Variants in TNNC2 observed in about 807,000 individuals in gnomAD.
The protein encoded by TNNC2 is troponin C2, fast skeletal type, also known as troponin C, skeletal muscle.
Under a neutral mutation model 20.0 loss-of-function variants are expected in TNNC2, and 14 were observed. That is an observed-to-expected ratio of 0.70 (90% CI 0.46 to 1.09). The LOEUF (loss-of-function observed/expected upper bound fraction) is 1.09. TNNC2 is among the 50% of genes least tolerant of loss of function. The pLI is 0.00. For missense variants in TNNC2, 163 were observed against 223.8 expected (o/e 0.73, Z 1.73); for synonymous variants, 81 against 77.3 (o/e 1.05, Z -0.25).
Position 45,823,490 on chromosome 20 carries a change from CAG to C in TNNC2, c.452-113_452-112del. On this transcript the variant is annotated intron_variant, in intron 5 of 5. Coordinates refer to ENST00000372555, the MANE Select transcript of TNNC2 (RefSeq NM_003279.3). The surrounding 1 kb of genome is among the most constrained non-coding windows in gnomAD (Gnocchi z 4.6). ...CTTTTTGTTTTTGTTTTTGTTGAGA[CAG>C]AGTCTCACTCTGTTGCCAAGGTCGC... 3.6e-6 allele frequency: 4 copies of C among 1,107,920 alleles called. No homozygotes were observed. Among genetic ancestry groups the C allele is most frequent in the Non-Finnish European group, 5.1e-6 (4 of 777,682 alleles). The allele number at this position is 1,107,920 out of a possible 1,614,324, so 68.6% of individuals were successfully genotyped here. A position where few individuals can be genotyped will look rare whatever the true frequency, so the allele number is the denominator to read the frequency against.
chr20:45,825,090 C>T (rs1180397147), intron 1 of TNNC2, among the ~76,000 whole-genome samples: 7 of 151,606 alleles, frequency 4.6e-5, no homozygotes, highest in Admixed American at 3.3e-4. Context: ...CTCAAGCAAT[C>T]GTCCCACTTC....
chr20:45,825,185 C>CA (rs1288863815), intron 1 of TNNC2, among the ~76,000 whole-genome samples: 2 of 152,174 alleles, frequency 1.3e-5, no homozygotes, highest in Non-Finnish European at 2.9e-5. Flanking sequence ...CTATATTACC[C>CA]AGGCTGGTTT....
At chr20:45,828,209 T>TTTG (rs1277562939), upstream of TNNC2, among the ~76,000 whole-genome samples, 1 of 151,070 alleles carries the variant, frequency 6.6e-6, no homozygotes, top group Non-Finnish European at 1.5e-5. Flanking sequence ...TTTTTTTTTT[T>TTTG]TGTATTTTTA....
chr20:45,824,293 T>C lies in TNNC2; in HGVS notation c.313A>G (p.Arg105Gly), dbSNP rs766419408. The change falls in exon 4 of 6, where the codon AGG (arginine) becomes GGG (glycine). Residue 105 changes from arginine to glycine, a missense_variant and splice_region_variant. By Grantham distance (125) the Arg-to-Gly change is moderately radical. Coordinates refer to ENST00000372555, the MANE Select transcript of TNNC2 (RefSeq NM_003279.3). Reference protein sequence around the residue: ...ELAECFRIFDRNADGYIDPEE... With the variant: ...ELAECFRIFDGNADGYIDPEE... ...TCGGCTCCCGGGCCCCCAGCGCACCTGTCGAAGATGCGGAAGCACTCGGCC... is the reference window on the plus strand; with the variant it reads ...TCGGCTCCCGGGCCCCCAGCGCACCCGTCGAAGATGCGGAAGCACTCGGCC... The C allele has an allele frequency of 2.5e-6, 4 of 1,610,132 alleles. No homozygotes were observed. Among genetic ancestry groups the C allele is most frequent in the Non-Finnish European group, 3.4e-6 (4 of 1,179,898 alleles).
chr20:45,823,892 A>G lies in TNNC2; in HGVS notation c.451+99T>C, dbSNP rs1982875950. 4 of 1,570,672 alleles carry G rather than the reference A, an allele frequency of 2.5e-6. No homozygotes were observed. The highest frequency in any genetic ancestry group is 2.3e-5 in the South Asian group (2 of 85,422). The stretch of plus-strand genomic sequence containing the variant: ...AACTTGGTGAAGTTACGCCCAGCCC[A>G]GCCCACAAGGCCAAGGACACTGCAC... On this transcript the variant is annotated intron_variant, in intron 5 of 5. Coordinates refer to ENST00000372555, the MANE Select transcript of TNNC2 (RefSeq NM_003279.3). The surrounding 1 kb of genome is among the most constrained non-coding windows in gnomAD (Gnocchi z 4.6).
intron 1 of TNNC2, among the ~76,000 whole-genome samples, chr20:45,825,746 G>A (rs757256200): frequency 5.3e-5 from 8 of 151,944 alleles, no homozygotes; most frequent in Non-Finnish European, 7.4e-5. Flanking sequence ...TCAGCCTCCC[G>A]AGTAGCTGGG....
In TNNC2 at chr20:45,824,345, G is replaced by C. The variant is rs758043604; in HGVS notation, c.261C>G (p.Asp87Glu). The change falls in exon 4 of 6, where the codon GAC (aspartate) becomes GAG (glutamate). Residue 87 changes from aspartate to glutamate, a missense_variant. By Grantham distance (45) the Asp-to-Glu change is conservative. Coordinates refer to ENST00000372555, the MANE Select transcript of TNNC2 (RefSeq NM_003279.3). ...LVMMVRQMKEDAKGKSEEELA... is the reference protein window; with the variant it reads ...LVMMVRQMKEEAKGKSEEELA... ...GCTCCTCCTCGCTCTTCCCTTTCGC[G>C]TCCTCTTTCATCTGGCGCACCATCA... 6.2e-7 allele frequency: 1 copy of C among 1,611,104 alleles called. No individual in the cohort carries two copies. Among genetic ancestry groups the C allele is most frequent in the South Asian group, 1.1e-5 (1 of 91,082 alleles).
In TNNC2 at chr20:45,824,568, C is replaced by T. The variant is rs145593698; in HGVS notation, c.126G>A (p.Thr42=). Residue 42 remains threonine, a synonymous_variant, in exon 3 of 6, where the codon ACG becomes ACA. Coordinates refer to ENST00000372555, the MANE Select transcript of TNNC2 (RefSeq NM_003279.3). ...GTGTCTGGCCCAGCATCCTCATCAC[C>T]GTGCCCAACTCCTTGACGCTGATGT... ...GGDISVKELG[T]VMRMLGQTPT... 4.3e-6 allele frequency: 7 copies of T among 1,613,100 alleles called. No individual in the cohort carries two copies. Among genetic ancestry groups the T allele is most frequent in the African/African-American group, 4.0e-5 (3 of 74,904 alleles).
At chr20:45,832,901 G>A (rs967708758) in intron 2 of TNNC2, among the ~76,000 whole-genome samples, 3 of 152,334 alleles carry the variant, frequency 2.0e-5, no homozygotes, top group African/African-American at 7.2e-5. Context: ...AACCTCTGAG[G>A]GAGGCAGAGG....
At chr20:45,829,429 A>G (rs1244968852), upstream of TNNC2, among the ~76,000 whole-genome samples, 1 of 151,486 alleles carries the variant, frequency 6.6e-6, no homozygotes, top group Admixed American at 6.6e-5. Flanking sequence ...CTCCCAAAGC[A>G]CTGGGATTAC....
At chr20:45,829,296 C>G (rs1192199808), upstream of TNNC2, among the ~76,000 whole-genome samples, 1 of 151,728 alleles carries the variant, frequency 6.6e-6, no homozygotes, top group African/African-American at 2.4e-5. Context: ...TCCCGAGTAG[C>G]CGGAATTACA....
chr20:45,826,005 A>ACCCCCCCCC (rs111300154), intron 1 of TNNC2, among the ~76,000 whole-genome samples: 45 of 144,076 alleles, frequency 3.1e-4, no homozygotes, highest in East Asian at 6.3e-4. Context: ...CAAGTCGGGA[A>ACCCCCCCCC]CCCCCCCCAC....
rs754962399 is a variant in TNNC2 at position 45,824,393 on chromosome 20, G to C, written c.213C>G (p.Ile71Met). 6.2e-6 allele frequency: 10 copies of C among 1,610,516 alleles called. No homozygotes were observed. The highest frequency in any genetic ancestry group is 7.6e-6 in the Non-Finnish European group (9 of 1,180,004). ...TCATGACCAAGAACTCCTCGAAGTCGATGGTGCCGCTGCCTGCGGGCAGCA... is the reference window on the plus strand; with the variant it reads ...TCATGACCAAGAACTCCTCGAAGTCCATGGTGCCGCTGCCTGCGGGCAGCA... ...EEVDEDGSGT[I>M]DFEEFLVMMV... The change falls in exon 4 of 6, where the codon ATC (isoleucine) becomes ATG (methionine). Residue 71 changes from isoleucine to methionine, a missense_variant. Ile to Met is a conservative substitution (Grantham distance 10). Coordinates refer to ENST00000372555, the MANE Select transcript of TNNC2 (RefSeq NM_003279.3).
At chr20:45,831,389 CA>C (rs1171957737), upstream of TNNC2, among the ~76,000 whole-genome samples, 6 of 152,122 alleles carry the variant, frequency 3.9e-5, no homozygotes, top group African/African-American at 1.4e-4. Context: ...CCAGCCTGGC[CA>C]ACATGGTGAA....
rs59673641 is a variant in TNNC2, at chr20:45,824,132, A to G, written c.315-5T>C. ...TCGATGTAGCCGTCTGCATTCCTTC[A>G]GGTCCGAGGGACAGGGCAGGGCTCA... On this transcript the variant is annotated splice_region_variant and splice_polypyrimidine_tract_variant and intron_variant, in intron 4 of 5. Transcript: ENST00000372555. 35,357 of 1,613,480 alleles carry G rather than the reference A, an allele frequency of 0.022. 1,805 individuals are homozygous for G. The highest frequency in any genetic ancestry group is 0.17 in the African/African-American group (12,909 of 74,928).
At chr20:45,824,867 G>C (rs773626244) in intron 1 of TNNC2, 33 bp from the exon 2 acceptor site, 2 of 1,613,934 alleles carry the variant, frequency 1.2e-6, no homozygotes, top group African/African-American at 1.3e-5. Flanking sequence ...CTGAGCTGAA[G>C]AGGCAGCCCC....
intron 4 of TNNC2, 43 bp from the exon 5 acceptor site, chr20:45,824,170 G>A (rs1438997640): frequency 3.1e-6 from 5 of 1,602,780 alleles, no homozygotes; most frequent in Non-Finnish European, 3.4e-6. Flanking sequence ...GCCGGGGCGA[G>A]CTGCCCTGGC....
In TNNC2 at chr20:45,823,783, C is replaced by T. The variant is rs1982872835; in HGVS notation, c.451+208G>A. Among the ~76,000 whole-genome samples the T allele has an allele frequency of 6.6e-6, 1 of 152,142 alleles. No homozygotes were observed. The highest frequency in any genetic ancestry group is 2.4e-5 in the African/African-American group (1 of 41,412). ...TCTAGGATTTTACAGTCCTGAGCCA[C>T]CACGCCCCCCTGCCTGGTCATTAAT... On this transcript the variant is annotated intron_variant, in intron 5 of 5. Transcript: ENST00000372555. This position sits in a 1 kb window ranked among gnomAD's most constrained non-coding sequence, Gnocchi z 4.6.
rs367746063 is a variant in TNNC2 at position 45,824,776 on chromosome 20, C to T, written c.55+7G>A. The T allele has an allele frequency of 2.5e-5, 40 of 1,613,454 alleles. No individual in the cohort carries two copies. Among genetic ancestry groups the T allele is most frequent in the Non-Finnish European group, 3.4e-5 (40 of 1,179,918 alleles). ...ACCCAGCCCCCAGCCTGCCGCGCCT[C>T]ACTCACCAGCGATCATCTCTTCGCT... On this transcript the variant is annotated splice_region_variant and intron_variant, in intron 2 of 5. Coordinates refer to ENST00000372555, the MANE Select transcript of TNNC2 (RefSeq NM_003279.3).
Sources: gnomAD v4.1 joint callset for allele counts (sites outside exome capture counted in the v4.1 genomes callset) on GRCh38, gnomAD v4.1.1 for gene constraint, Gnocchi (gnomAD v3.1) non-coding constraint, MANE v1.5 for transcripts, NCBI Gene and HGNC (gene_info 2026-07-23, HGNC 2026-07-21) for gene names.